MTA2: variants seen among roughly 807,000 people sequenced by gnomAD.
MTA2 encodes the protein metastasis-associated protein MTA2.
In MTA2, 22 loss-of-function variants were observed where a neutral mutation model predicts 87.1. The ratio of observed to expected loss-of-function variants is 0.25; its 90% CI spans 0.18 to 0.36. The LOEUF (loss-of-function observed/expected upper bound fraction) is 0.36. Ranked by LOEUF, MTA2 falls within the 10% of genes least tolerant of loss-of-function variation. The pLI is 1.00. For synonymous variants in MTA2, 314 were observed against 310.1 expected (o/e 1.01, Z -0.13); for missense variants, 542 against 853.2 (o/e 0.64, Z 4.54).
chr11:62,596,639 A>C lies in MTA2; in HGVS notation c.880T>G (p.Phe294Val). 1 of 1,612,064 alleles carries C rather than the reference A, an allele frequency of 6.2e-7. No homozygotes were observed. The highest frequency in any genetic ancestry group is 8.5e-7 in the Non-Finnish European group (1 of 1,178,790). The part of the protein sequence containing the change: ...GKDFNDIRQD[F>V]LPWKSLASIV... ...TCCTCCTAGTGCCATCCACTTACAA[A>C]ATCCTGGCGAATATCATTGAAGTCC... Residue 294 changes from phenylalanine (F) to valine (V), a missense_variant and splice_region_variant, in exon 9 of 18, where the codon TTT becomes GTT. This residue lies in a region of MTA2 where 33 missense variants were observed against 31.7 expected (regional missense o/e 1.04). Coordinates refer to ENST00000278823, the MANE Select transcript of MTA2 (RefSeq NM_004739.4).
intron 1 of MTA2, 128 bp downstream of exon 1, chr11:62,601,295 G>A (rs1198628384): frequency 3.3e-6 from 4 of 1,220,620 alleles, no homozygotes; most frequent in South Asian, 2.6e-5. Flanking sequence ...CCCGGTTCCG[G>A]TTCCGGTCCG....
chr11:62,593,536 C>T lies in MTA2; in HGVS notation c.*339G>A. On this transcript the variant is annotated 3_prime_UTR_variant, in exon 18 of 18. Coordinates refer to ENST00000278823, the MANE Select transcript of MTA2 (RefSeq NM_004739.4). ...CTGTTATCTGTTTACTCTTCCCCTC[C>T]CCATCCCCTTTCACAAAGGGAGGCA... 5.0e-6 allele frequency: 1 copy of T among 200,580 alleles called. No homozygotes were observed. Among genetic ancestry groups the T allele is most frequent in the South Asian group, 9.2e-5 (1 of 10,826 alleles). 12.4% of individuals were successfully genotyped at this position (200,580 alleles called of 1,614,324 possible).
chr11:62,598,683 G>A (rs191844888), intron 3 of MTA2, 44 bp from the exon 4 acceptor site: 1 of 1,518,974 alleles, frequency 6.6e-7, no homozygotes, highest in African/African-American at 1.4e-5. Flanking sequence ...AATGGATCCA[G>A]CAAAACACCA....
chr11:62,597,958 A>G lies in MTA2; in HGVS notation c.490+66T>C. 3 of 1,384,146 alleles carry G rather than the reference A, an allele frequency of 2.2e-6. No individual in the cohort carries two copies. In the Admixed American group the frequency reaches 5.0e-5, roughly 23 times the overall value. The allele number at this position is 1,384,146 out of a possible 1,614,324, so 85.7% of individuals were successfully genotyped here. On this transcript the variant is annotated intron_variant, in intron 6 of 17. Coordinates refer to ENST00000278823, the MANE Select transcript of MTA2 (RefSeq NM_004739.4). ...CCAGGTGACGCCATTCACAGAGACT[A>G]TAATGTTAAAGTGCCCCTTGGAATT... is the stretch of plus-strand genomic sequence containing the variant.
Position 62,595,454 on chromosome 11 carries a change from A to G in MTA2, c.1293T>C (p.Ala431=), listed in dbSNP as rs759114119. 3.7e-6 allele frequency: 6 copies of G among 1,614,176 alleles called. No homozygotes were observed. The South Asian group carries it at 6.6e-5, about 18-fold the overall frequency. The change falls in exon 14 of 18, where the codon GCT becomes GCC. Residue 431 remains alanine, a synonymous_variant. Transcript: ENST00000278823. The surrounding 1 kb of genome is among the most constrained non-coding windows in gnomAD (Gnocchi z 4.9). ...TGGTTGTGTAAGGAGAGAGACTTTGAGCTTCAGGTCTGGATAAATGACCCC... is the reference window on the plus strand; with the variant it reads ...TGGTTGTGTAAGGAGAGAGACTTTGGGCTTCAGGTCTGGATAAATGACCCC... The part of the protein sequence containing the change: ...HSRGHLSRPE[A]QSLSPYTTSA...
Position 62,597,295 on chromosome 11 carries a change from TACCC to T in MTA2, c.693+17_693+20del. 6.4e-7 allele frequency: 1 copy of T among 1,574,546 alleles called. No homozygotes were observed. Among genetic ancestry groups the T allele is most frequent in the Non-Finnish European group, 8.6e-7 (1 of 1,161,656 alleles). ...CCCCAGAAAACCCAGCCTGCCCAAC[TACCC>T]ACCAACTTCTGCTCACCAGAGTGAT... is the stretch of plus-strand genomic sequence containing the variant. On this transcript the variant is annotated intron_variant, in intron 8 of 17. Transcript: ENST00000278823.
intron 5 of MTA2, 64 bp from the exon 6 acceptor site, chr11:62,598,205 G>GT: frequency 6.4e-7 from 1 of 1,567,580 alleles, no homozygotes; most frequent in South Asian, 1.1e-5. Context: ...GGAGGGAGGT[G>GT]TATCTGAGTT....
At position 62,596,676 on chromosome 11, in the gene MTA2, C is replaced by T. The variant is rs1445382755; in HGVS notation, c.843G>A (p.Glu281=). 3 of 1,613,872 alleles carry T rather than the reference C, an allele frequency of 1.9e-6. No homozygotes were observed. Among genetic ancestry groups the T allele is most frequent in the East Asian group, 2.2e-5 (1 of 44,892 alleles). ...TATCATTGAAGTCCTTCCCATACTTCTCTAGGGCCTCCTCAAATAGCATGG... is the reference window on the plus strand; with the variant it reads ...TATCATTGAAGTCCTTCCCATACTTTTCTAGGGCCTCCTCAAATAGCATGG... ...SEAMLFEEAL[E]KYGKDFNDIR... Residue 281 remains glutamate (E), a synonymous_variant, in exon 9 of 18, where the codon GAG becomes GAA. Coordinates refer to ENST00000278823, the MANE Select transcript of MTA2 (RefSeq NM_004739.4).
rs765723017 is a variant in MTA2 at position 62,596,565 on chromosome 11, G to C, written c.883-33C>G. 4 of 1,613,174 alleles carry C rather than the reference G, an allele frequency of 2.5e-6. No individual in the cohort carries two copies. In the Admixed American group the frequency reaches 6.7e-5, roughly 27 times the overall value. On this transcript the variant is annotated intron_variant, in intron 9 of 17. Coordinates refer to ENST00000278823, the MANE Select transcript of MTA2 (RefSeq NM_004739.4). ...GGGCAGAGGGAGGAAGAATGAGCTG[G>C]CATCTGGCCCCAGGTCCTGGTTCCC...
chr11:62,595,152 A>C lies in MTA2; in HGVS notation c.1484-82T>G. ...GCCAGAAGCCAACTCTAATCTTAAA[A>C]AAATTATCTGTGGCCTACTATCCCT... On this transcript the variant is annotated intron_variant, in intron 14 of 17. Transcript: ENST00000278823. The surrounding 1 kb of genome is among the most constrained non-coding windows in gnomAD (Gnocchi z 4.9). The C allele has an allele frequency of 1.3e-6, 2 of 1,552,620 alleles. No homozygotes were observed. The highest frequency in any genetic ancestry group is 4.5e-5 in the East Asian group (2 of 44,316).
chr11:62,601,803 G>A lies in MTA2; in HGVS notation c.-353C>T, dbSNP rs1385594949. The A allele has an allele frequency of 4.0e-6, 2 of 501,924 alleles. No homozygotes were observed. Among genetic ancestry groups the A allele is most frequent in the South Asian group, 6.4e-5 (2 of 31,412 alleles). 31.1% of individuals were successfully genotyped at this position (501,924 alleles called of 1,614,324 possible). A position where few individuals can be genotyped will look rare whatever the true frequency, so the allele number is the denominator to read the frequency against. ...GCCGGCCGCAGGGAAGGCTTGCCGG[G>A]CCCGCCTCAGGGTTCGCCTCCTTCC... On this transcript the variant is annotated 5_prime_UTR_variant, in exon 1 of 18. Coordinates refer to ENST00000278823, the MANE Select transcript of MTA2 (RefSeq NM_004739.4).
intron 3 of MTA2, chr11:62,599,328 AC>A: frequency 6.6e-6 from 1 of 152,172 alleles, no homozygotes; most frequent in Non-Finnish European, 1.5e-5. Flanking sequence ...AGTAGGCTCC[AC>A]CCCTCGCTTG....
chr11:62,600,308 G>A, intron 2 of MTA2, 49 bp from the exon 3 acceptor site: 1 of 1,499,510 alleles, frequency 6.7e-7, no homozygotes, highest in South Asian at 1.1e-5. Flanking sequence ...AGTGGAAATT[G>A]ATCATCTGGG....
chr11:62,597,286 C>G, intron 8 of MTA2, 30 bp downstream of exon 8: 1 of 1,542,364 alleles, frequency 6.5e-7, no homozygotes, highest in Non-Finnish European at 8.8e-7. Flanking sequence ...AAAACCCAGC[C>G]TGCCCAACTA....
At position 62,601,730 on chromosome 11, in the gene MTA2, G is replaced by A. The variant is rs1942207480; in HGVS notation, c.-280C>T. On this transcript the variant is annotated 5_prime_UTR_variant, in exon 1 of 18. Coordinates refer to ENST00000278823, the MANE Select transcript of MTA2 (RefSeq NM_004739.4). ...TCGGCTCCTGCCAGGCCAGAGCCAG[G>A]CTCCAGCTACCCCCGCCCCCGCGGA... 2 of 517,182 alleles carry A rather than the reference G, an allele frequency of 3.9e-6. No homozygotes were observed. The highest frequency in any genetic ancestry group is 4.1e-5 in the African/African-American group (2 of 49,160). 32.0% of individuals were successfully genotyped at this position (517,182 alleles called of 1,614,324 possible).
Position 62,598,609 on chromosome 11 carries a change from C to G in MTA2, c.221G>C (p.Gly74Ala). 1 of 1,614,072 alleles carries G rather than the reference C, an allele frequency of 6.2e-7. No individual in the cohort carries two copies. Among genetic ancestry groups the G allele is most frequent in the Non-Finnish European group, 8.5e-7 (1 of 1,180,036 alleles). Residue 74 changes from glycine (G) to alanine (A), a missense_variant, in exon 4 of 18, where the codon GGG becomes GCG. Transcript: ENST00000278823. ...REFEEESKQP[G>A]VSEQQRHQLK... ...TTGATGGCGCTGCTGCTCAGACACCCCTGGCTGCTTTGATTCCTCTTCAAA... is the reference window on the plus strand; with the variant it reads ...TTGATGGCGCTGCTGCTCAGACACCGCTGGCTGCTTTGATTCCTCTTCAAA...
chr11:62,597,167 C>T (rs1383250954), intron 8 of MTA2, 149 bp downstream of exon 8: 12 of 633,278 alleles, frequency 1.9e-5, no homozygotes, highest in South Asian at 2.2e-5. Flanking sequence ...CCAGCCTGGG[C>T]GACAGAGCAA....
rs781258149 is a variant in MTA2, at chr11:62,596,778, C to T, written c.741G>A (p.Lys247=). The T allele has an allele frequency of 3.1e-6, 5 of 1,613,630 alleles. No individual in the cohort carries two copies. The highest frequency in any genetic ancestry group is 8.5e-7 in the Non-Finnish European group (1 of 1,179,758). ...CCTGGGGTACCAGGGTCGACATGGCCTTAGCCAGGTCGTAGCCGTTCCTTT... is the reference window on the plus strand; with the variant it reads ...CCTGGGGTACCAGGGTCGACATGGCTTTAGCCAGGTCGTAGCCGTTCCTTT... ...TLQRNGYDLA[K]AMSTLVPQGG... is the part of the protein sequence containing the mutation. The change falls in exon 9 of 18, where the codon AAG becomes AAA. Residue 247 remains lysine (K), a synonymous_variant. Coordinates refer to ENST00000278823, the MANE Select transcript of MTA2 (RefSeq NM_004739.4).
rs1942061508 is a variant in MTA2, at chr11:62,593,993, C to T, written c.1889G>A (p.Arg630His). 1.2e-6 allele frequency: 2 copies of T among 1,613,162 alleles called. No homozygotes were observed. Among genetic ancestry groups the T allele is most frequent in the Non-Finnish European group, 1.7e-6 (2 of 1,179,508 alleles). ...LTHLEMRRAA[R>H]RPNLPLKVKP... ...CACCTTCAGGGGCAAGTTGGGTCGG[C>T]GAGCAGCTCGCCGCATTTCCAGATG... Residue 630 changes from arginine to histidine, a missense_variant, in exon 18 of 18, where the codon CGC (arginine) becomes CAC (histidine). Arg to His is a conservative substitution (Grantham distance 29). Coordinates refer to ENST00000278823, the MANE Select transcript of MTA2 (RefSeq NM_004739.4).
Sources: allele counts gnomAD v4.1 joint callset, GRCh38; gene constraint gnomAD v4.1.1; regional missense constraint gnomAD v4.1.1; non-coding constraint Gnocchi (gnomAD v3.1); transcripts MANE v1.5; gene names NCBI Gene and HGNC (gene_info 2026-07-23, HGNC 2026-07-21).